The following TBC1D1 variants were observed in gnomAD, a reference collection of about 807,000 sequenced individuals.
TBC1D1 encodes the protein TBC1 (tre-2/USP6, BUB2, cdc16) domain family, member 1.
In TBC1D1, 89 loss-of-function variants were observed where a neutral mutation model predicts 125.6. The observed-to-expected ratio is 0.71, with a 90% CI of 0.60 to 0.85. The LOEUF (loss-of-function observed/expected upper bound fraction) is 0.85, where lower values mean the gene tolerates loss of function less well. Ranked by LOEUF, TBC1D1 falls within the 40% of genes least tolerant of loss-of-function variation. The pLI is 0.00. For missense variants in TBC1D1, 1,377 were observed against 1,469.2 expected (o/e 0.94, Z 1.03); for synonymous variants, 565 against 564.1 (o/e 1.00, Z -0.02).
intron 2 of TBC1D1, among the ~76,000 whole-genome samples, chr4:37,927,525 G>A (rs767217817): frequency 6.6e-6 from 1 of 152,176 alleles, no homozygotes; most frequent in Non-Finnish European, 1.5e-5. Flanking sequence ...GCTGTAGGCA[G>A]CTTGGGTTTT....
chr4:37,925,521 T>A (rs985396444), intron 2 of TBC1D1, among the ~76,000 whole-genome samples: 18 of 151,926 alleles, frequency 1.2e-4, no homozygotes, highest in Admixed American at 5.9e-4. Context: ...ATCGAGACCA[T>A]CCTGGCCAAC....
chr4:38,024,409 T>C (rs1744668477), intron 6 of TBC1D1, among the ~76,000 whole-genome samples: 1 of 152,256 alleles, frequency 6.6e-6, no homozygotes, highest in Admixed American at 6.5e-5. Flanking sequence ...CTCCCCTTGA[T>C]AAATCTTTCT....
chr4:38,125,203 C>A, intron 18 of TBC1D1, 72 bp downstream of exon 20: 2 of 1,468,242 alleles, frequency 1.4e-6, no homozygotes, highest in South Asian at 1.2e-5. Flanking sequence ...CTCTCTTGAG[C>A]AGGAACTGTT....
chr4:38,096,797 GT>G (rs977536633), intron 14 of TBC1D1, among the ~76,000 whole-genome samples: 2 of 150,908 alleles, frequency 1.3e-5, no homozygotes, highest in South Asian at 4.2e-4. Flanking sequence ...TTGTCCATCT[GT>G]TTTTTTTTAA....
chr4:37,945,337 A>C (rs991603879), intron 2 of TBC1D1, among the ~76,000 whole-genome samples: 2 of 151,486 alleles, frequency 1.3e-5, no homozygotes, highest in Non-Finnish European at 2.9e-5. Flanking sequence ...AACATGGCAA[A>C]CTCCATCTCT....
At chr4:38,062,595 C>T (rs1752958732) in intron 12 of TBC1D1, among the ~76,000 whole-genome samples, 2 of 152,080 alleles carry the variant, frequency 1.3e-5, no homozygotes, top group Admixed American at 6.6e-5. Flanking sequence ...ACTTGATCAC[C>T]TCCCCATCCG....
chr4:38,037,291 A>C (rs554520475), intron 8 of TBC1D1, among the ~76,000 whole-genome samples: 2 of 151,618 alleles, frequency 1.3e-5, no homozygotes, highest in South Asian at 2.1e-4. Context: ...TTTTTTACCC[A>C]AAAAAACATA....
intron 7 of TBC1D1, among the ~76,000 whole-genome samples, chr4:38,032,854 A>G (rs1025300935): frequency 7.9e-5 from 12 of 152,048 alleles, no homozygotes; most frequent in South Asian, 2.1e-4. Flanking sequence ...AAAAAAAAAA[A>G]AAAGAAAGAA....
intron 13 of TBC1D1, among the ~76,000 whole-genome samples, chr4:38,095,365 TTGAG>T: frequency 6.6e-6 from 1 of 152,310 alleles, no homozygotes; most frequent in African/African-American, 2.4e-5. Context: ...CAGCTTTAGG[TTGAG>T]TAAGTTTGGT....
chr4:38,084,431 A>G (rs757598204), intron 12 of TBC1D1, among the ~76,000 whole-genome samples: 2 of 152,240 alleles, frequency 1.3e-5, no homozygotes, highest in Admixed American at 6.5e-5. Context: ...TTTCCCAGGC[A>G]TGGGATATGG....
chr4:38,096,061 T>TG lies in TBC1D1; in HGVS notation c.2371dup (p.Glu791GlyfsTer18). 6.2e-7 allele frequency: 1 copy of TG among 1,613,502 alleles called. No homozygotes were observed. The stretch of plus-strand genomic sequence containing the variant: ...GGAAGATCAAAAATTAAGTTTGACA[T>TG]GGAAAAAATGCACTCGGCTGTTGGG... On this transcript the variant is annotated frameshift_variant, in exon 14 of 20. Coordinates refer to ENST00000261439, the MANE Select transcript of TBC1D1 (RefSeq NM_015173.4). LOFTEE classifies it high-confidence loss of function.
chr4:38,011,951 T>C (rs1348704406), intron 2 of TBC1D1, among the ~76,000 whole-genome samples: 5 of 152,218 alleles, frequency 3.3e-5, no homozygotes, highest in Admixed American at 3.3e-4. Flanking sequence ...CAAATTCATG[T>C]GACTTCACAC....
chr4:37,997,718 A>T (rs1009524157), intron 2 of TBC1D1, among the ~76,000 whole-genome samples: 3 of 152,130 alleles, frequency 2.0e-5, no homozygotes, highest in African/African-American at 7.2e-5. Flanking sequence ...GCACTATTGA[A>T]AATTCTGTCT....
At position 37,902,201 on chromosome 4, in the gene TBC1D1, A is replaced by G; in HGVS notation, c.106A>G (p.Thr36Ala). ...CTCCCTGCCTGTGCATTCCCTGACC[A>G]CCATGCCCATGCTGCCCTGGGTTGT... The change falls in exon 2 of 20, where the codon ACC (threonine) becomes GCC (alanine). Residue 36 changes from threonine to alanine, a missense_variant. Physicochemically the swap from Thr to Ala is moderately conservative, Grantham distance 58. This residue lies in a region of TBC1D1 where 822 missense variants were observed against 824.6 expected (regional missense o/e 1.00). Coordinates refer to ENST00000261439, the MANE Select transcript of TBC1D1 (RefSeq NM_015173.4). The G allele has an allele frequency of 2.5e-6, 4 of 1,613,666 alleles. No individual in the cohort carries two copies. Among genetic ancestry groups the G allele is most frequent in the Middle Eastern group, 1.6e-4 (1 of 6,062 alleles).
intron 12 of TBC1D1, among the ~76,000 whole-genome samples, chr4:38,070,435 G>A (rs1009270367): frequency 6.6e-6 from 1 of 152,192 alleles, no homozygotes; most frequent in African/African-American, 2.4e-5. Context: ...GGCATGACCC[G>A]GCCATGGGGA....
chr4:38,046,630 C>T (rs1749539562), intron 10 of TBC1D1, among the ~76,000 whole-genome samples: 1 of 152,102 alleles, frequency 6.6e-6, no homozygotes, highest in Non-Finnish European at 1.5e-5. Flanking sequence ...CCTTCACACC[C>T]CCTTTCATTC....
chr4:38,026,078 C>CT (rs1373683059), intron 6 of TBC1D1, among the ~76,000 whole-genome samples: 1 of 88,570 alleles, frequency 1.1e-5, no homozygotes, highest in African/African-American at 5.8e-5. Flanking sequence ...ATTGAGATTA[C>CT]TTAAAAAAAA....
At chr4:37,961,217 T>C in intron 2 of TBC1D1, 1 of 712,948 alleles carries the variant, frequency 1.4e-6, no homozygotes. Context: ...TCTTTGGGGA[T>C]ATGTCAACAT....
At position 38,115,773 on chromosome 4, in the gene TBC1D1, A is replaced by G. The variant is rs999366179; in HGVS notation, c.2621A>G (p.Tyr874Cys). 6.2e-7 allele frequency: 1 copy of G among 1,614,214 alleles called. No individual in the cohort carries two copies. Among genetic ancestry groups the G allele is most frequent in the East Asian group, 2.2e-5 (1 of 44,890 alleles). ...CTTGGAGCAGGACAGCTATCGCTTT[A>G]CAACATTTTGAAGGCCTACTCACTT... The change falls in exon 16 of 20, where the codon TAC becomes TGC. Residue 874 changes from tyrosine (Y) to cysteine (C), a missense_variant. Around this residue, in one of 3 missense-constraint regions of TBC1D1, gnomAD observed 543 missense variants for 613.5 expected, o/e 0.89. Coordinates refer to ENST00000261439, the MANE Select transcript of TBC1D1 (RefSeq NM_015173.4).
Sources: gnomAD v4.1 joint callset for allele counts (sites outside exome capture counted in the v4.1 genomes callset) on GRCh38, gnomAD v4.1.1 for gene constraint, gnomAD v4.1.1 regional missense constraint, MANE v1.5 for transcripts, NCBI Gene and HGNC (gene_info 2026-07-23, HGNC 2026-07-21) for gene names.